Variants in KCNAB1 observed in about 807,000 individuals in gnomAD.
KCNAB1 encodes potassium voltage-gated channel subfamily A regulatory beta subunit 1.
In KCNAB1, 35 loss-of-function variants were observed where a neutral mutation model predicts 64.6. That is an observed-to-expected ratio of 0.54 (90% CI 0.41 to 0.72). KCNAB1 has a LOEUF of 0.72. Ranked by LOEUF, KCNAB1 falls within the 30% of genes least tolerant of loss-of-function variation. KCNAB1 has a pLI of 0.00. For synonymous variants in KCNAB1, 177 were observed against 183.8 expected, an observed-to-expected ratio of 0.96 and a Z score of 0.30; for missense variants, 401 against 512.9, an observed-to-expected ratio of 0.78 and a Z score of 2.11.
At chr3:156,154,462 G>A (rs1408593902) in intron 1 of KCNAB1, among the ~76,000 whole-genome samples, 3 of 152,144 alleles carry the variant, frequency 2.0e-5, no homozygotes, top group African/African-American at 4.8e-5. Flanking sequence ...TGGGGGACAA[G>A]TGTGGAGAGC....
chr3:156,249,899 C>G (rs1717723284), intron 1 of KCNAB1, among the ~76,000 whole-genome samples: 1 of 152,160 alleles, frequency 6.6e-6, no homozygotes, highest in Non-Finnish European at 1.5e-5. Flanking sequence ...TCAGTAAGAC[C>G]TTAGCAAGAT....
At chr3:156,318,739 T>C (rs1722463345) in intron 1 of KCNAB1, among the ~76,000 whole-genome samples, 1 of 152,232 alleles carries the variant, frequency 6.6e-6, no homozygotes, top group African/African-American at 2.4e-5. Context: ...TTGTTTTGCA[T>C]GGCTTAATTA....
intron 1 of KCNAB1, among the ~76,000 whole-genome samples, chr3:156,137,694 C>T (rs994465299): frequency 4.0e-5 from 6 of 150,154 alleles, no homozygotes; most frequent in Non-Finnish European, 5.9e-5. Context: ...TACAGGCACC[C>T]GCTACCACGT....
intron 8 of KCNAB1, among the ~76,000 whole-genome samples, chr3:156,475,668 G>A (rs2108320440): frequency 6.6e-6 from 1 of 152,310 alleles, no homozygotes; most frequent in South Asian, 2.1e-4. Context: ...TGATTCACAT[G>A]AGATTACATT....
At chr3:156,421,588 A>T (rs1715467584) in intron 1 of KCNAB1, 28 bp from the exon 2 acceptor site, 1 of 1,611,854 alleles carries the variant, frequency 6.2e-7, no homozygotes, top group African/African-American at 1.3e-5. Flanking sequence ...GGAAATGATG[A>T]CCAAGTGTTG....
intron 1 of KCNAB1, among the ~76,000 whole-genome samples, chr3:156,311,197 G>A (rs547881478): frequency 1.3e-5 from 2 of 152,164 alleles, no homozygotes; most frequent in African/African-American, 2.4e-5. Flanking sequence ...ATCTTAGAAC[G>A]TGGTTTAAGA....
chr3:156,502,781 C>G (rs1487575832), intron 8 of KCNAB1, among the ~76,000 whole-genome samples: 1 of 152,162 alleles, frequency 6.6e-6, no homozygotes, highest in Non-Finnish European at 1.5e-5. Flanking sequence ...CCCCAGGATG[C>G]TAAGAGGATC....
At chr3:156,459,938 A>G in intron 5 of KCNAB1, 67 bp downstream of exon 5, 3 of 1,146,812 alleles carry the variant, frequency 2.6e-6, no homozygotes, top group Non-Finnish European at 2.6e-6. Context: ...AGGAAAAATA[A>G]AATTATATGA....
intron 1 of KCNAB1, among the ~76,000 whole-genome samples, chr3:156,392,244 ACT>A (rs1713097629): frequency 6.6e-6 from 1 of 152,112 alleles, no homozygotes. Flanking sequence ...TCCCTTATTC[ACT>A]GCTGTATCCT....
At chr3:156,398,236 G>T (rs897285547) in intron 1 of KCNAB1, among the ~76,000 whole-genome samples, 6 of 152,112 alleles carry the variant, frequency 3.9e-5, no homozygotes, top group African/African-American at 1.4e-4. Flanking sequence ...GCCTGTCGGG[G>T]TGGTGGGAAA....
chr3:156,413,451 G>A (rs1315931394), intron 1 of KCNAB1, among the ~76,000 whole-genome samples: 1 of 152,148 alleles, frequency 6.6e-6, no homozygotes, highest in Non-Finnish European at 1.5e-5. Flanking sequence ...CATTTACCAT[G>A]TGCCAAGCCC....
chr3:156,319,095 C>T (rs548646180), intron 1 of KCNAB1, among the ~76,000 whole-genome samples: 2 of 152,052 alleles, frequency 1.3e-5, no homozygotes, highest in Non-Finnish European at 2.9e-5. Flanking sequence ...TAGCCCAAAG[C>T]TTTACAATTA....
chr3:156,446,435 A>G (rs996783589), intron 2 of KCNAB1, among the ~76,000 whole-genome samples: 8 of 152,160 alleles, frequency 5.3e-5, no homozygotes, highest in African/African-American at 9.7e-5. Flanking sequence ...TGAACCTCTT[A>G]TCTTAAATTC....
intron 7 of KCNAB1, among the ~76,000 whole-genome samples, chr3:156,474,154 A>G (rs1714166738): frequency 6.6e-6 from 1 of 152,136 alleles, no homozygotes; most frequent in Non-Finnish European, 1.5e-5. Context: ...GCTCAGCTAT[A>G]TTTTATGTTC....
At chr3:156,302,033 G>A (rs1162703706) in intron 1 of KCNAB1, among the ~76,000 whole-genome samples, 3 of 152,118 alleles carry the variant, frequency 2.0e-5, no homozygotes, top group African/African-American at 4.8e-5. Flanking sequence ...TAAAGTGTCA[G>A]CAAAGCTCCT....
At chr3:156,335,153 T>G (rs1029068798) in intron 1 of KCNAB1, among the ~76,000 whole-genome samples, 1 of 152,258 alleles carries the variant, frequency 6.6e-6, no homozygotes, top group Non-Finnish European at 1.5e-5. Flanking sequence ...GTGGATTTCC[T>G]GAACACACTA....
At chr3:156,324,052 C>T (rs1722828343) in intron 1 of KCNAB1, among the ~76,000 whole-genome samples, 1 of 148,880 alleles carries the variant, frequency 6.7e-6, no homozygotes, top group African/African-American at 2.5e-5. Context: ...ATTTATTTTG[C>T]TTTTTTTTTT....
At chr3:156,454,754 C>A (rs1712266116) in intron 3 of KCNAB1, among the ~76,000 whole-genome samples, 3 of 152,234 alleles carry the variant, frequency 2.0e-5, no homozygotes, top group African/African-American at 2.4e-5. Context: ...ACATATATAA[C>A]CTACTACTGA....
At chr3:156,120,243 C>T (rs977836584), upstream of KCNAB1, among the ~76,000 whole-genome samples, 1 of 152,138 alleles carries the variant, frequency 6.6e-6, no homozygotes, top group Non-Finnish European at 1.5e-5. Flanking sequence ...ACATGATTAT[C>T]GAATGTAATT....
Sources: allele counts gnomAD v4.1 joint callset (sites outside exome capture counted in the v4.1 genomes callset), GRCh38; gene constraint gnomAD v4.1.1; transcripts MANE v1.5; gene names NCBI Gene and HGNC (gene_info 2026-07-23, HGNC 2026-07-21).